The following DOCK11 variants were observed in gnomAD, a reference collection of about 807,000 sequenced individuals.
DOCK11 encodes the protein dedicator of cytokinesis protein 11.
Under a neutral mutation model 169.1 loss-of-function variants are expected in DOCK11, and 70 were observed. The observed-to-expected ratio is 0.41, with a 90% CI of 0.34 to 0.51. The LOEUF (loss-of-function observed/expected upper bound fraction) is 0.51. Among genes scored for constraint, DOCK11 ranks in the 20% least tolerant of loss-of-function variants. The pLI is 0.10. For missense variants in DOCK11, 1,166 were observed against 1,538.8 expected, an observed-to-expected ratio of 0.76 and a Z score of 4.05; for synonymous variants, 529 against 541.3, an observed-to-expected ratio of 0.98 and a Z score of 0.32.
chrX:118,525,370 C>G (rs2011350441), intron 1 of DOCK11, among the ~76,000 whole-genome samples: 1 of 111,530 alleles, frequency 9.0e-6, no homozygotes, highest in Non-Finnish European at 1.9e-5. Flanking sequence ...ATGACACATG[C>G]TACAATATGC....
intron 1 of DOCK11, among the ~76,000 whole-genome samples, chrX:118,506,663 CA>C (rs66510006): frequency 1.5e-4 from 16 of 107,181 alleles, no homozygotes; most frequent in African/African-American, 3.7e-4. Context: ...GAGACTGTCT[CA>C]AAAAAAAAAT....
intron 10 of DOCK11, among the ~76,000 whole-genome samples, chrX:118,570,557 C>A (rs1398459912): frequency 6.2e-5 from 7 of 112,079 alleles, no homozygotes; most frequent in Non-Finnish European, 1.3e-4. Context: ...ACACATTGGG[C>A]CCTTTTAAGG....
intron 45 of DOCK11, among the ~76,000 whole-genome samples, chrX:118,664,644 CAAAA>C (rs2016297749): frequency 9.7e-6 from 1 of 103,286 alleles, no homozygotes; most frequent in Admixed American, 1.1e-4. Context: ...GACTGTGTCT[CAAAA>C]AAGAAAAAAA....
At chrX:118,570,126 C>T (rs1212580816) in intron 10 of DOCK11, among the ~76,000 whole-genome samples, 2 of 111,933 alleles carry the variant, frequency 1.8e-5, no homozygotes, top group Admixed American at 9.5e-5. Context: ...TTGTATCTGT[C>T]GAGTACCTTT....
intron 40 of DOCK11, among the ~76,000 whole-genome samples, 154 bp downstream of exon 40, chrX:118,643,748 C>T (rs1353584733): frequency 2.7e-5 from 3 of 111,647 alleles, no homozygotes; most frequent in African/African-American, 9.8e-5. Flanking sequence ...CAACAAAGCA[C>T]ACACAGAGGG....
At chrX:118,577,095 A>G (rs1414400483) in intron 12 of DOCK11, among the ~76,000 whole-genome samples, 1 of 112,752 alleles carries the variant, frequency 8.9e-6, no homozygotes, top group African/African-American at 3.2e-5. Flanking sequence ...TTCTTAATCT[A>G]TAGAATATGT....
intron 38 of DOCK11, among the ~76,000 whole-genome samples, chrX:118,640,762 T>G (rs2015509652): frequency 9.4e-6 from 1 of 105,885 alleles, no homozygotes; most frequent in Non-Finnish European, 1.9e-5. Context: ...CCAGACTATA[T>G]TTGATGAAGG....
chrX:118,629,647 T>A (rs927359856), intron 34 of DOCK11, among the ~76,000 whole-genome samples: 5 of 110,066 alleles, frequency 4.5e-5, no homozygotes, highest in South Asian at 7.7e-4. Context: ...GCCCATTTTT[T>A]AATTTATTTA....
At chrX:118,554,432 A>AT (rs1259256399) in intron 6 of DOCK11, among the ~76,000 whole-genome samples, 1 of 110,529 alleles carries the variant, frequency 9.0e-6, no homozygotes, top group African/African-American at 3.3e-5. Context: ...CACCTGTAAT[A>AT]TCAGCTACTC....
At chrX:118,653,972 A>G (rs1165211872) in intron 42 of DOCK11, among the ~76,000 whole-genome samples, 1 of 112,148 alleles carries the variant, frequency 8.9e-6, no homozygotes, top group Non-Finnish European at 1.9e-5. Flanking sequence ...TCTGTGATTC[A>G]TGACCTCCCA....
At chrX:118,542,877 C>G in intron 2 of DOCK11, 36 bp downstream of exon 2, 1 of 1,197,047 alleles carries the variant, frequency 8.4e-7, no homozygotes, top group African/African-American at 1.8e-5. Context: ...GAAAAAAACC[C>G]CTATTTTTCA....
At chrX:118,656,206 G>A (rs773537462) in intron 44 of DOCK11, among the ~76,000 whole-genome samples, 21 of 110,171 alleles carry the variant, frequency 1.9e-4, no homozygotes, top group Admixed American at 3.9e-4. Context: ...TAGGATCATA[G>A]CTTGAGCCCA....
intron 1 of DOCK11, among the ~76,000 whole-genome samples, chrX:118,529,705 A>G (rs1378461344): frequency 8.9e-6 from 1 of 111,871 alleles, no homozygotes; most frequent in African/African-American, 3.3e-5. Flanking sequence ...AAGGAAGCGT[A>G]GGAAATAGAA....
intron 1 of DOCK11, among the ~76,000 whole-genome samples, chrX:118,541,219 A>C (rs776626446): frequency 5.3e-5 from 6 of 112,197 alleles, no homozygotes; most frequent in Non-Finnish European, 9.4e-5. Context: ...TACCATGCAC[A>C]TGAGAATCTT....
At chrX:118,634,254 T>C (rs1229356821) in intron 35 of DOCK11, 1 of 111,955 alleles carries the variant, frequency 8.9e-6, no homozygotes, top group African/African-American at 3.2e-5. Flanking sequence ...GATGATTCTC[T>C]TCCTGAAGAT....
At chrX:118,672,925 G>A (rs1329283061) in intron 46 of DOCK11, among the ~76,000 whole-genome samples, 1 of 111,571 alleles carries the variant, frequency 9.0e-6, no homozygotes, top group Non-Finnish European at 1.9e-5. Flanking sequence ...GTGTATATGG[G>A]GCATGCCTGA....
At chrX:118,661,289 T>G (rs939792497) in intron 44 of DOCK11, among the ~76,000 whole-genome samples, 6 of 111,212 alleles carry the variant, frequency 5.4e-5, no homozygotes, top group African/African-American at 2.0e-4. Context: ...AGAAGTGTGG[T>G]TCCTACTTCT....
intron 1 of DOCK11, among the ~76,000 whole-genome samples, chrX:118,523,981 A>G (rs757875628): frequency 9.8e-5 from 11 of 111,693 alleles, no homozygotes; most frequent in Non-Finnish European, 1.5e-4. Context: ...TTTGTCTTCT[A>G]TGTGAGAAGT....
chrX:118,572,259 A>T (rs2013299757), intron 10 of DOCK11, 64 bp from the exon 11 acceptor site: 5 of 997,634 alleles, frequency 5.0e-6, no homozygotes, highest in Non-Finnish European at 6.7e-6. Flanking sequence ...TTTTTTGTAT[A>T]TTGATGTAAA....
Sources: allele counts gnomAD v4.1 joint callset (sites outside exome capture counted in the v4.1 genomes callset), GRCh38; gene constraint gnomAD v4.1.1; transcripts MANE v1.5; gene names NCBI Gene and HGNC (gene_info 2026-07-23, HGNC 2026-07-21).